The following SMIM10L2A variants were observed in gnomAD, a reference collection of about 807,000 sequenced individuals.
SMIM10L2A encodes small integral membrane protein 10-like protein 2A.
A neutral mutation model predicts 3.0 loss-of-function variants in SMIM10L2A; 2 were observed. The observed-to-expected ratio is 0.66, with a 90% CI of 0.27 to 2.08. The LOEUF (loss-of-function observed/expected upper bound fraction) is 2.08. Among genes scored for constraint, SMIM10L2A ranks in the 30% most tolerant of loss-of-function variants. SMIM10L2A has a pLI of 0.14. For synonymous variants in SMIM10L2A, 29 were observed against 34.8 expected, an observed-to-expected ratio of 0.83 and a Z score of 0.58; for missense variants, 59 against 66.5, an observed-to-expected ratio of 0.89 and a Z score of 0.39.
chrX:135,427,082 C>T lies in SMIM10L2A; in HGVS notation c.*3812C>T, dbSNP rs143527846. The T allele has an allele frequency of 2.7e-5, 3 of 112,781 alleles. No individual in the cohort carries two copies. The highest frequency in any genetic ancestry group is 9.7e-5 in the African/African-American group (3 of 31,061). 9.3% of individuals were successfully genotyped at this position (112,781 alleles called of 1,213,427 possible). On this transcript the variant is annotated 3_prime_UTR_variant, in exon 2 of 2. Coordinates refer to ENST00000417443, the MANE Select transcript of SMIM10L2A (RefSeq NM_203306.3). ...GCCAGGCACCATACTAGGTGCTTTG[C>T]ATTCCTAATCTCATCATTATCACAC...
In SMIM10L2A at chrX:135,427,627, T is replaced by C. The variant is rs1047757146; in HGVS notation, c.*4357T>C. Reference sequence around the variant, plus strand: ...TCACTTTGTGTGCACCTTTTATGTATGTAAAACTACAAACATACTACTTTG... The same window carrying C: ...TCACTTTGTGTGCACCTTTTATGTACGTAAAACTACAAACATACTACTTTG... On this transcript the variant is annotated 3_prime_UTR_variant, in exon 2 of 2. Coordinates refer to ENST00000417443, the MANE Select transcript of SMIM10L2A (RefSeq NM_203306.3). 6 of 112,803 alleles carry C rather than the reference T, an allele frequency of 5.3e-5. No homozygotes were observed. Among genetic ancestry groups the C allele is most frequent in the African/African-American group, 1.3e-4 (4 of 31,023 alleles). The allele number at this position is 112,803 out of a possible 1,213,427, so 9.3% of individuals were successfully genotyped here. A position where few individuals can be genotyped will look rare whatever the true frequency, so the allele number is the denominator to read the frequency against.
In SMIM10L2A at chrX:135,427,111, C is replaced by T. The variant is rs1556471940; in HGVS notation, c.*3841C>T. 1 of 112,543 alleles carries T rather than the reference C, an allele frequency of 8.9e-6. No homozygotes were observed. The highest frequency in any genetic ancestry group is 3.2e-5 in the African/African-American group (1 of 30,906). The allele number at this position is 112,543 out of a possible 1,213,427, so 9.3% of individuals were successfully genotyped here. ...CCTAATCTCATCATTATCACACAAC[C>T]ACCTAACCATTATCCCTGTTTTACA... On this transcript the variant is annotated 3_prime_UTR_variant, in exon 2 of 2. Transcript: ENST00000417443.
Position 135,422,187 on chromosome X carries a change from T to C in SMIM10L2A, c.56T>C (p.Leu19Pro). The C allele has an allele frequency of 1.1e-6, 1 of 945,154 alleles. No homozygotes were observed. The highest frequency in any genetic ancestry group is 1.4e-6 in the Non-Finnish European group (1 of 711,709). The allele number at this position is 945,154 out of a possible 1,213,427, so 77.9% of individuals were successfully genotyped here. Reference protein sequence around the residue: ...AAAAAAALSGLAVRLSRSAAA... With the variant: ...AAAAAAALSGPAVRLSRSAAA... ...GCGGCTGCGGCGGCCCTGTCTGGCC[T>C]GGCGGTGCGGCTGTCGCGCTCAGCT... The change falls in exon 1 of 2, where the codon CTG becomes CCG. Residue 19 changes from leucine (L) to proline (P), a missense_variant. Leu to Pro is a moderately conservative substitution (Grantham distance 98). Coordinates refer to ENST00000417443, the MANE Select transcript of SMIM10L2A (RefSeq NM_203306.3).
intron 1 of SMIM10L2A, among the ~76,000 whole-genome samples, chrX:135,423,186 G>A (rs1354772765): frequency 1.8e-5 from 2 of 112,342 alleles, no homozygotes; most frequent in Non-Finnish European, 3.8e-5. Context: ...ACAGCCCTTG[G>A]CAAAACTGCC....
Position 135,427,035 on chromosome X carries a change from C to T in SMIM10L2A, c.*3765C>T, listed in dbSNP as rs1157668381. 2 of 112,972 alleles carry T rather than the reference C, an allele frequency of 1.8e-5. No homozygotes were observed. The highest frequency in any genetic ancestry group is 3.7e-5 in the Non-Finnish European group (2 of 53,379). 9.3% of individuals were successfully genotyped at this position (112,972 alleles called of 1,213,427 possible). On this transcript the variant is annotated 3_prime_UTR_variant, in exon 2 of 2. Transcript: ENST00000417443. ...AAGGAACCAAGTGAAGGGAATCGGC[C>T]TCTGATGAGAGCCTGCCATGTGCCA... is the stretch of plus-strand genomic sequence containing the variant.
At position 135,426,225 on chromosome X, in the gene SMIM10L2A, C is replaced by T. The variant is rs782623185; in HGVS notation, c.*2955C>T. On this transcript the variant is annotated 3_prime_UTR_variant, in exon 2 of 2. Transcript: ENST00000417443. The stretch of plus-strand genomic sequence containing the variant: ...CCTACCAGCAAGGTTACTGCAGAAT[C>T]TTGGAGAAGATAAAGGACCTGGCCC... The T allele has an allele frequency of 9.0e-6, 1 of 111,395 alleles. No homozygotes were observed. The highest frequency in any genetic ancestry group is 1.9e-5 in the Non-Finnish European group (1 of 53,005). The allele number at this position is 111,395 out of a possible 1,213,427, so 9.2% of individuals were successfully genotyped here.
rs1167446007 is a variant in SMIM10L2A, at chrX:135,424,665, C to G, written c.*1395C>G. 4 of 111,796 alleles carry G rather than the reference C, an allele frequency of 3.6e-5. No homozygotes were observed. Among genetic ancestry groups the G allele is most frequent in the Non-Finnish European group, 5.6e-5 (3 of 53,100 alleles). The allele number at this position is 111,796 out of a possible 1,213,427, so 9.2% of individuals were successfully genotyped here. Reference sequence around the variant, plus strand: ...ACTGGTACCCCGGGCGCCACGTTCTCAGTTCCTGGGACTGAAAACTGCAGC... The same window carrying G: ...ACTGGTACCCCGGGCGCCACGTTCTGAGTTCCTGGGACTGAAAACTGCAGC... On this transcript the variant is annotated 3_prime_UTR_variant, in exon 2 of 2. Coordinates refer to ENST00000417443, the MANE Select transcript of SMIM10L2A (RefSeq NM_203306.3).
intron 1 of SMIM10L2A, among the ~76,000 whole-genome samples, chrX:135,423,089 G>A (rs1485004657): frequency 8.9e-6 from 1 of 112,220 alleles, no homozygotes; most frequent in Non-Finnish European, 1.9e-5. Context: ...CCCACCAGTC[G>A]GTGGGCATAG....
rs2085158173 is a variant in SMIM10L2A at position 135,427,763 on chromosome X, GT to G, written c.*4494del. 8.9e-6 allele frequency: 1 copy of G among 112,289 alleles called. No individual in the cohort carries two copies. Among genetic ancestry groups the G allele is most frequent in the African/African-American group, 3.2e-5 (1 of 30,837 alleles). 9.3% of individuals were successfully genotyped at this position (112,289 alleles called of 1,213,427 possible). A position where few individuals can be genotyped will look rare whatever the true frequency, so the allele number is the denominator to read the frequency against. ...TGAAGGTTTCATCATGTATCCCCCA[GT>G]GCCCTTTGGTTGTTTTTCTTTGTTG... On this transcript the variant is annotated 3_prime_UTR_variant, in exon 2 of 2. Transcript: ENST00000417443.
intron 1 of SMIM10L2A, 23 bp from the exon 2 acceptor site, chrX:135,423,610 C>T: frequency 8.8e-6 from 1 of 113,969 alleles, no homozygotes; most frequent in Non-Finnish European, 1.9e-5. Context: ...ACTGAGGTCC[C>T]CATCTCTTTC....
chrX:135,426,130 G>A lies in SMIM10L2A; in HGVS notation c.*2860G>A, dbSNP rs1287188049. On this transcript the variant is annotated 3_prime_UTR_variant, in exon 2 of 2. Coordinates refer to ENST00000417443, the MANE Select transcript of SMIM10L2A (RefSeq NM_203306.3). ...GACTAGGGTGAAGTGAACTGAAACA[G>A]ACTCGACACAGGTCATTTTGTGTAG... is the stretch of plus-strand genomic sequence containing the variant. The A allele has an allele frequency of 8.9e-6, 1 of 112,134 alleles. No homozygotes were observed. Among genetic ancestry groups the A allele is most frequent in the South Asian group, 3.8e-4 (1 of 2,651 alleles). The allele number at this position is 112,134 out of a possible 1,213,427, so 9.2% of individuals were successfully genotyped here.
Position 135,422,451 on chromosome X carries a change from G to A in SMIM10L2A, c.*83G>A. The A allele has an allele frequency of 3.4e-6, 1 of 291,116 alleles. No homozygotes were observed. Among genetic ancestry groups the A allele is most frequent in the Non-Finnish European group, 5.8e-6 (1 of 171,295 alleles). 24.0% of individuals were successfully genotyped at this position (291,116 alleles called of 1,213,427 possible). The stretch of plus-strand genomic sequence containing the variant: ...CCCCCGGCCGGGTCGCCGGCATGAA[G>A]GAAAGCTGGGCCGCGGCGGGGGGCG... On this transcript the variant is annotated 3_prime_UTR_variant, in exon 1 of 2. Coordinates refer to ENST00000417443, the MANE Select transcript of SMIM10L2A (RefSeq NM_203306.3).
Position 135,425,804 on chromosome X carries a change from G to A in SMIM10L2A, c.*2534G>A, listed in dbSNP as rs73557275. The A allele has an allele frequency of 0.017, 1,936 of 111,896 alleles. 55 individuals carry two copies. The highest frequency in any genetic ancestry group is 0.059 in the African/African-American group (1,804 of 30,678). 9.2% of individuals were successfully genotyped at this position (111,896 alleles called of 1,213,427 possible). ...TGGGGGTGATGCAGTGGCCCCGGGT[G>A]GAGAGGCCCCATGGTGAGGTCACCA... On this transcript the variant is annotated 3_prime_UTR_variant, in exon 2 of 2. Coordinates refer to ENST00000417443, the MANE Select transcript of SMIM10L2A (RefSeq NM_203306.3).
chrX:135,422,114 T>A lies in SMIM10L2A; in HGVS notation c.-18T>A. On this transcript the variant is annotated 5_prime_UTR_variant, in exon 1 of 2. Transcript: ENST00000417443. ...AGCGGGTCAGTCGGTCGGCGGGGCC[T>A]GCGCGGGGCCCGGGCCCATGGCGGC... 1 of 401,245 alleles carries A rather than the reference T, an allele frequency of 2.5e-6. No individual in the cohort carries two copies. Among genetic ancestry groups the A allele is most frequent in the South Asian group, 1.1e-4 (1 of 9,480 alleles). 33.1% of individuals were successfully genotyped at this position (401,245 alleles called of 1,213,427 possible).
rs782679155 is a variant in SMIM10L2A, at chrX:135,427,642, ATAC to A, written c.*4377_*4379del. 1 of 112,647 alleles carries A rather than the reference ATAC, an allele frequency of 8.9e-6. No individual in the cohort carries two copies. Among genetic ancestry groups the A allele is most frequent in the Non-Finnish European group, 1.9e-5 (1 of 53,318 alleles). The allele number at this position is 112,647 out of a possible 1,213,427, so 9.3% of individuals were successfully genotyped here. On this transcript the variant is annotated 3_prime_UTR_variant, in exon 2 of 2. Transcript: ENST00000417443. ...CTTTTATGTATGTAAAACTACAAAC[ATAC>A]TACTTTGAAATCTGATTCCGCTATT...
intron 1 of SMIM10L2A, 40 bp from the exon 2 acceptor site, chrX:135,423,593 C>T (rs1347349316): frequency 8.8e-6 from 1 of 113,961 alleles, no homozygotes; most frequent in Non-Finnish European, 1.9e-5. Context: ...TGTCTGGTGG[C>T]CAGGCAACTG....
intron 1 of SMIM10L2A, among the ~76,000 whole-genome samples, chrX:135,423,311 G>C (rs1460218066): frequency 8.9e-6 from 1 of 112,550 alleles, no homozygotes; most frequent in Non-Finnish European, 1.9e-5. Context: ...AGACAGGGAA[G>C]AGTGGGAGAG....
rs782750077 is a variant in SMIM10L2A at position 135,422,040 on chromosome X, C to T, written c.-92C>T. On this transcript the variant is annotated 5_prime_UTR_variant, in exon 1 of 2. Coordinates refer to ENST00000417443, the MANE Select transcript of SMIM10L2A (RefSeq NM_203306.3). Reference sequence around the variant, plus strand: ...GGGGCGGCCGCGGCTCTGGGCGACCCGCTGGGTGCACTAGTGCTCGGGTCC... The same window carrying T: ...GGGGCGGCCGCGGCTCTGGGCGACCTGCTGGGTGCACTAGTGCTCGGGTCC... 6.4e-4 allele frequency: 169 copies of T among 263,176 alleles called. 2 individuals carry two copies. Among genetic ancestry groups the T allele is most frequent in the African/African-American group, 4.6e-3 (159 of 34,934 alleles). 21.7% of individuals were successfully genotyped at this position (263,176 alleles called of 1,213,427 possible). A position where few individuals can be genotyped will look rare whatever the true frequency, so the allele number is the denominator to read the frequency against.
At position 135,425,068 on chromosome X, in the gene SMIM10L2A, T is replaced by C. The variant is rs1263122733; in HGVS notation, c.*1798T>C. 9.0e-6 allele frequency: 1 copy of C among 111,418 alleles called. No homozygotes were observed. Among genetic ancestry groups the C allele is most frequent in the Non-Finnish European group, 1.9e-5 (1 of 52,901 alleles). 9.2% of individuals were successfully genotyped at this position (111,418 alleles called of 1,213,427 possible). A position where few individuals can be genotyped will look rare whatever the true frequency, so the allele number is the denominator to read the frequency against. On this transcript the variant is annotated 3_prime_UTR_variant, in exon 2 of 2. Transcript: ENST00000417443. ...AGCCTCCTTGTGTCTGATGCACAGA[T>C]GTGGCCCTTTCAAACCCTGGTGTCA...
Sources: gnomAD v4.1 joint callset for allele counts (sites outside exome capture counted in the v4.1 genomes callset) on GRCh38, gnomAD v4.1.1 for gene constraint, MANE v1.5 for transcripts, NCBI Gene and HGNC (gene_info 2026-07-23, HGNC 2026-07-21) for gene names.